The following PIP5K1B variants were observed in gnomAD, a reference collection of about 807,000 sequenced individuals.
The protein encoded by PIP5K1B is phosphatidylinositol 4-phosphate 5-kinase type-1 beta.
Under a neutral mutation model 67.0 loss-of-function variants are expected in PIP5K1B, and 42 were observed. That is an observed-to-expected ratio of 0.63 (90% CI 0.49 to 0.81). PIP5K1B has a LOEUF of 0.81. PIP5K1B is among the 30% of genes least tolerant of loss of function. PIP5K1B has a pLI of 0.00. For synonymous variants in PIP5K1B, 214 were observed against 231.4 expected, an observed-to-expected ratio of 0.92 and a Z score of 0.68; for missense variants, 459 against 646.3, an observed-to-expected ratio of 0.71 and a Z score of 3.14.
At chr9:68,940,948 G>A (rs1827530434) in intron 14 of PIP5K1B, 158 bp downstream of exon 14, 2 of 740,856 alleles carry the variant, frequency 2.7e-6, no homozygotes, top group Non-Finnish European at 2.4e-6. Flanking sequence ...TTTTACTGTG[G>A]CAAAAGAACA....
intron 1 of PIP5K1B, among the ~76,000 whole-genome samples, chr9:68,732,792 T>C (rs1233815596): frequency 1.3e-5 from 2 of 152,136 alleles, no homozygotes; most frequent in African/African-American, 4.8e-5. Flanking sequence ...AAAGGTCTGC[T>C]GTCCCTGAGG....
rs1316502788 is a variant in PIP5K1B at position 68,970,674 on chromosome 9, A to G, written c.1503-20466A>G. On this transcript the variant is annotated intron_variant, in intron 14 of 15. Coordinates refer to ENST00000265382, the MANE Select transcript of PIP5K1B (RefSeq NM_003558.4). ...AAATGGGCTGTTGCTTTCAAAAATCATGTTCATTTAAATTGTGTTTTTACT... is the reference window on the plus strand; with the variant it reads ...AAATGGGCTGTTGCTTTCAAAAATCGTGTTCATTTAAATTGTGTTTTTACT... Among the ~76,000 whole-genome samples, 3 of 152,184 alleles carry G rather than the reference A, an allele frequency of 2.0e-5. No homozygotes were observed. In the East Asian group the frequency reaches 5.8e-4, roughly 29 times the overall value.
intron 2 of PIP5K1B, among the ~76,000 whole-genome samples, chr9:68,768,892 A>T (rs570345003): frequency 6.6e-6 from 1 of 152,184 alleles, no homozygotes; most frequent in Admixed American, 6.5e-5. Flanking sequence ...AGGCATTTCA[A>T]TAGAAACCCC....
intron 14 of PIP5K1B, among the ~76,000 whole-genome samples, chr9:68,952,684 C>A (rs1828141432): frequency 6.6e-6 from 1 of 150,686 alleles, no homozygotes; most frequent in African/African-American, 2.4e-5. Context: ...TTTTTTTTTT[C>A]AACATGGTGA....
In PIP5K1B at chr9:68,947,788, T is replaced by C. The variant is rs1234846131; in HGVS notation, c.1502+6998T>C. Among the ~76,000 whole-genome samples, 4 of 152,236 alleles carry C rather than the reference T, an allele frequency of 2.6e-5. No homozygotes were observed. The East Asian group carries it at 7.7e-4, about 29-fold the overall frequency. Reference sequence around the variant, plus strand: ...TCCAGTATTTACCAATAAGTCTGTCTGACAATCAGTAATGCATTCCCTGGT... The same window carrying C: ...TCCAGTATTTACCAATAAGTCTGTCCGACAATCAGTAATGCATTCCCTGGT... On this transcript the variant is annotated intron_variant, in intron 14 of 15. Transcript: ENST00000265382.
chr9:68,766,637 T>A (rs948919274), intron 2 of PIP5K1B, among the ~76,000 whole-genome samples: 3 of 152,252 alleles, frequency 2.0e-5, no homozygotes, highest in African/African-American at 4.8e-5. Context: ...TGGAATGCTT[T>A]TTATTACAGT....
chr9:68,983,750 C>T (rs545005238), intron 14 of PIP5K1B, among the ~76,000 whole-genome samples: 12 of 152,270 alleles, frequency 7.9e-5, no homozygotes, highest in Admixed American at 6.5e-5. Context: ...CAGTCTGAAT[C>T]GAGAGAACTG....
At position 68,905,383 on chromosome 9, in the gene PIP5K1B, T is replaced by A. The variant is rs142002774; in HGVS notation, c.771+10745T>A. 8.9e-4 allele frequency among the ~76,000 whole-genome samples: 135 copies of A among 152,172 alleles called. 3 individuals carry two copies. Among genetic ancestry groups the A allele is most frequent in the African/African-American group, 3.1e-3 (130 of 41,508 alleles). ...GGTTGTGGATTCTGACGTAAGCCAG[T>A]CATACAGATCATGATGCAAAACAGG... On this transcript the variant is annotated intron_variant, in intron 8 of 15. Transcript: ENST00000265382.
intron 14 of PIP5K1B, among the ~76,000 whole-genome samples, chr9:68,987,173 A>G (rs999236319): frequency 1.3e-5 from 2 of 152,248 alleles, no homozygotes; most frequent in Non-Finnish European, 2.9e-5. Context: ...AATCACTTGA[A>G]CCCAGGAGGC....
intron 4 of PIP5K1B, among the ~76,000 whole-genome samples, chr9:68,844,948 GA>G (rs968708615): frequency 4.0e-5 from 6 of 148,944 alleles, no homozygotes; most frequent in African/African-American, 7.4e-5. Flanking sequence ...AAGTGGGAGG[GA>G]AAAAAAAACA....
chr9:68,995,145 A>G (rs1015560331), intron 15 of PIP5K1B, among the ~76,000 whole-genome samples: 2 of 151,448 alleles, frequency 1.3e-5, no homozygotes, highest in Non-Finnish European at 2.9e-5. Flanking sequence ...CATGGTCTCT[A>G]AAGAAATTGA....
intron 7 of PIP5K1B, among the ~76,000 whole-genome samples, chr9:68,891,249 C>T (rs1313165246): frequency 6.6e-6 from 1 of 152,050 alleles, no homozygotes; most frequent in African/African-American, 2.4e-5. Context: ...AACCCTGTAT[C>T]AAAGAAAAAT....
intron 5 of PIP5K1B, among the ~76,000 whole-genome samples, chr9:68,875,315 A>C (rs893970437): frequency 6.6e-6 from 1 of 151,140 alleles, no homozygotes; most frequent in Non-Finnish European, 1.5e-5. Context: ...AAAAAAAAAA[A>C]AAAAAAAAAA....
rs1284112091 is a variant in PIP5K1B, at chr9:68,818,484, C to T, written c.-62C>T. 3.3e-5 allele frequency: 5 copies of T among 152,524 alleles called. No individual in the cohort carries two copies. The highest frequency in any genetic ancestry group is 7.4e-5 in the Non-Finnish European group (5 of 68,016). 9.4% of individuals were successfully genotyped at this position (152,524 alleles called of 1,614,324 possible). On this transcript the variant is annotated 5_prime_UTR_variant, in exon 3 of 16. Transcript: ENST00000265382. ...AGAAACCTGGCAAAGAAAACGGTCTCGACAATGAGTAGGCCACCCATCACT... is the reference window on the plus strand; with the variant it reads ...AGAAACCTGGCAAAGAAAACGGTCTTGACAATGAGTAGGCCACCCATCACT...
At chr9:68,905,732 A>T (rs1375093312) in intron 8 of PIP5K1B, among the ~76,000 whole-genome samples, 1 of 152,152 alleles carries the variant, frequency 6.6e-6, no homozygotes, top group African/African-American at 2.4e-5. Context: ...TATAGGGCTT[A>T]ATTTTATTCA....
At chr9:68,729,477 C>CT (rs1176096953) in intron 1 of PIP5K1B, among the ~76,000 whole-genome samples, 1 of 151,998 alleles carries the variant, frequency 6.6e-6, no homozygotes, top group African/African-American at 2.4e-5. Context: ...ACATGTTCAA[C>CT]TGTATTAAAA....
chr9:68,989,724 AT>A (rs1830274236), intron 14 of PIP5K1B, among the ~76,000 whole-genome samples: 1 of 152,138 alleles, frequency 6.6e-6, no homozygotes, highest in East Asian at 1.9e-4. Context: ...TCACATCTGT[AT>A]TTCTGGCACT....
intron 8 of PIP5K1B, among the ~76,000 whole-genome samples, chr9:68,898,334 G>T (rs1317383159): frequency 6.6e-6 from 1 of 152,114 alleles, no homozygotes; most frequent in Non-Finnish European, 1.5e-5. Context: ...GGGGAGAAAT[G>T]GATATGTAAA....
At chr9:68,917,399 T>G in intron 8 of PIP5K1B, 149 bp from the exon 9 acceptor site, 1 of 680,998 alleles carries the variant, frequency 1.5e-6, no homozygotes, top group South Asian at 1.8e-5. Flanking sequence ...ACCTCAAGTG[T>G]TTTTATTTTG....
Sources: allele counts gnomAD v4.1 joint callset (sites outside exome capture counted in the v4.1 genomes callset), GRCh38; gene constraint gnomAD v4.1.1; transcripts MANE v1.5; gene names NCBI Gene and HGNC (gene_info 2026-07-23, HGNC 2026-07-21).